Variants in ARHGAP20 observed in about 807,000 individuals in gnomAD.
ARHGAP20 encodes Rho GTPase activating protein 20.
In ARHGAP20, 34 loss-of-function variants were observed where a neutral mutation model predicts 73.7. That is an observed-to-expected ratio of 0.46 (90% CI 0.35 to 0.61). The LOEUF (loss-of-function observed/expected upper bound fraction) is 0.61, where lower values mean the gene tolerates loss of function less well. ARHGAP20 is among the 20% of genes least tolerant of loss of function. The pLI, the probability that ARHGAP20 is intolerant of heterozygous loss-of-function variation, is 0.00. For synonymous variants in ARHGAP20, 523 were observed against 518.2 expected, an observed-to-expected ratio of 1.01 and a Z score of -0.13; for missense variants, 1,314 against 1,420.9, an observed-to-expected ratio of 0.92 and a Z score of 1.21.
intron 2 of ARHGAP20, 74 bp from the exon 3 acceptor site, chr11:110,630,866 A>G: frequency 2.0e-6 from 3 of 1,473,420 alleles, no homozygotes; most frequent in Non-Finnish European, 2.8e-6. Context: ...AAATTCTGTA[A>G]TTTTTTTTAA....
intron 1 of ARHGAP20, among the ~76,000 whole-genome samples, chr11:110,711,115 A>AGC (rs1330953086): frequency 1.3e-5 from 2 of 151,878 alleles, no homozygotes; most frequent in African/African-American, 4.8e-5. Flanking sequence ...TTCCTCAGGG[A>AGC]GCGAAACGGC....
rs1947878594 is a variant in ARHGAP20 at position 110,593,490 on chromosome 11, T to C, written c.965-1335A>G. Among the ~76,000 whole-genome samples, 3 of 151,930 alleles carry C rather than the reference T, an allele frequency of 2.0e-5. No homozygotes were observed. The South Asian group carries it at 6.2e-4, about 32-fold the overall frequency. On this transcript the variant is annotated intron_variant, in intron 9 of 14. Coordinates refer to ENST00000683387, the MANE Select transcript of ARHGAP20 (RefSeq NM_001384657.1). ...GCACTAAAGAGTGAGCAAAAGAAGGTAGATATAGAGGTCAAAGTGTGACAC... is the reference window on the plus strand; with the variant it reads ...GCACTAAAGAGTGAGCAAAAGAAGGCAGATATAGAGGTCAAAGTGTGACAC...
At position 110,580,313 on chromosome 11, in the gene ARHGAP20, A is replaced by G. The variant is rs1186806795; in HGVS notation, c.2633T>C (p.Leu878Ser). ...TTTGAGATAATCCTCCTCTCCATGC[A>G]AGAGACCAGCTTCACAGCTGGTTTT... ...QHKTSCEAGL[L>S]HGEEDYLKRH... The change falls in exon 15 of 15, where the codon TTG (leucine) becomes TCG (serine). Residue 878 changes from leucine (L) to serine (S), a missense_variant. Physicochemically the swap from Leu to Ser is moderately radical, Grantham distance 145. This residue lies in a region of ARHGAP20 where 641 missense variants were observed against 636.9 expected (regional missense o/e 1.01). Transcript: ENST00000683387. The G allele has an allele frequency of 6.2e-7, 1 of 1,614,216 alleles. No homozygotes were observed. Among genetic ancestry groups the G allele is most frequent in the Admixed American group, 1.7e-5 (1 of 60,028 alleles).
intron 12 of ARHGAP20, among the ~76,000 whole-genome samples, chr11:110,584,631 T>C (rs1426216707): frequency 2.0e-5 from 3 of 152,096 alleles, no homozygotes; most frequent in Non-Finnish European, 4.4e-5. Flanking sequence ...AGCTTTTGGG[T>C]TTTCTGCTTC....
chr11:110,671,157 T>A (rs1038888159), intron 2 of ARHGAP20, among the ~76,000 whole-genome samples: 1 of 151,772 alleles, frequency 6.6e-6, no homozygotes, highest in Non-Finnish European at 1.5e-5. Context: ...TTTCTGTAAA[T>A]CTGAAATTAT....
At chr11:110,621,802 A>G (rs990016487) in intron 4 of ARHGAP20, among the ~76,000 whole-genome samples, 2 of 152,216 alleles carry the variant, frequency 1.3e-5, no homozygotes, top group Admixed American at 6.5e-5. Flanking sequence ...AAGATATTTT[A>G]GATTGTATTC....
chr11:110,628,283 C>T (rs112523226), intron 3 of ARHGAP20, among the ~76,000 whole-genome samples: 38 of 152,266 alleles, frequency 2.5e-4, no homozygotes, highest in African/African-American at 8.7e-4. Flanking sequence ...ATTATTTCAA[C>T]AAATTAATTG....
At chr11:110,590,626 A>G in intron 11 of ARHGAP20, 22 bp downstream of exon 11, 2 of 1,605,582 alleles carry the variant, frequency 1.2e-6, no homozygotes, top group Non-Finnish European at 1.7e-6. Flanking sequence ...CATGGGGTGG[A>G]TAAAGGGATG....
At chr11:110,594,588 AGTTTCTTCCTGCT>A (rs1718775732) in intron 9 of ARHGAP20, among the ~76,000 whole-genome samples, 2 of 152,128 alleles carry the variant, frequency 1.3e-5, no homozygotes, top group African/African-American at 4.8e-5. Context: ...TAAGTAAAGC[AGTTTCTTCCTGCT>A]CTGACATTCT....
rs143652465 is a variant in ARHGAP20, at chr11:110,655,252, A to C, written c.189-24460T>G. On this transcript the variant is annotated intron_variant, in intron 2 of 14. Coordinates refer to ENST00000683387, the MANE Select transcript of ARHGAP20 (RefSeq NM_001384657.1). ...AACAATCTAATGAGACACATGAAAT[A>C]ATCAGGGAACAGAAAATTTTAAACT... 1.1e-4 allele frequency among the ~76,000 whole-genome samples: 16 copies of C among 146,850 alleles called. No homozygotes were observed. The East Asian group carries it at 3.1e-3, about 28-fold the overall frequency.
rs1947313327 is a variant in ARHGAP20 at position 110,577,393 on chromosome 11, G to T, written c.*1977C>A. On this transcript the variant is annotated 3_prime_UTR_variant, in exon 15 of 15. Coordinates refer to ENST00000683387, the MANE Select transcript of ARHGAP20 (RefSeq NM_001384657.1). Reference sequence around the variant, plus strand: ...GTATCTAAGGGAACACAGATAGTAGGAATGGTTATTAAAAAACCTCAGCAA... The same window carrying T: ...GTATCTAAGGGAACACAGATAGTAGTAATGGTTATTAAAAAACCTCAGCAA... The T allele has an allele frequency of 8.6e-7, 1 of 1,165,302 alleles. No homozygotes were observed. Among genetic ancestry groups the T allele is most frequent in the Non-Finnish European group, 1.1e-6 (1 of 946,374 alleles). The allele number at this position is 1,165,302 out of a possible 1,614,324, so 72.2% of individuals were successfully genotyped here.
intron 1 of ARHGAP20, among the ~76,000 whole-genome samples, chr11:110,691,563 C>T (rs1384716780): frequency 6.6e-6 from 1 of 152,142 alleles, no homozygotes; most frequent in Non-Finnish European, 1.5e-5. Context: ...CTAGGCAGCT[C>T]AGTGTCGGTA....
At chr11:110,708,447 A>G (rs1950588855) in intron 1 of ARHGAP20, among the ~76,000 whole-genome samples, 1 of 139,352 alleles carries the variant, frequency 7.2e-6, no homozygotes, top group African/African-American at 2.8e-5. Context: ...GAATGTTCAC[A>G]GCAGTTTTGT....
chr11:110,674,117 G>A (rs1949883008), intron 2 of ARHGAP20, among the ~76,000 whole-genome samples: 1 of 151,936 alleles, frequency 6.6e-6, no homozygotes, highest in African/African-American at 2.4e-5. Context: ...TTGTATTTTA[G>A]CAGTGATGGG....
chr11:110,642,864 CTCT>C (rs1373801827), intron 2 of ARHGAP20, among the ~76,000 whole-genome samples: 2 of 152,084 alleles, frequency 1.3e-5, no homozygotes, highest in African/African-American at 2.4e-5. Context: ...CTGGTACAAA[CTCT>C]TCTTTGTATG....
intron 3 of ARHGAP20, among the ~76,000 whole-genome samples, chr11:110,628,374 G>T (rs1041436988): frequency 3.9e-5 from 6 of 152,208 alleles, no homozygotes; most frequent in African/African-American, 1.2e-4. Context: ...GGGACTATTT[G>T]CTTTTGATTG....
intron 2 of ARHGAP20, among the ~76,000 whole-genome samples, chr11:110,659,307 C>G (rs1271756394): frequency 9.2e-4 from 128 of 138,984 alleles, no homozygotes; most frequent in African/African-American, 1.9e-3. Flanking sequence ...TCTCTGATGG[C>G]CAGTGATGAT....
rs78031518 is a variant in ARHGAP20, at chr11:110,691,702, C to T, written c.106-1073G>A. 3.5e-3 allele frequency among the ~76,000 whole-genome samples: 528 copies of T among 152,164 alleles called. 2 individuals carry two copies. Among genetic ancestry groups the T allele is most frequent in the African/African-American group, 0.012 (495 of 41,518 alleles). On this transcript the variant is annotated intron_variant, in intron 1 of 14. Coordinates refer to ENST00000683387, the MANE Select transcript of ARHGAP20 (RefSeq NM_001384657.1). The stretch of plus-strand genomic sequence containing the variant: ...AGACTTCTTTGGCACAATTCTTATC[C>T]CACAAATTCTCCATGCTCCTAGGGA...
intron 2 of ARHGAP20, among the ~76,000 whole-genome samples, chr11:110,642,018 G>GT (rs1949088143): frequency 6.6e-6 from 1 of 152,054 alleles, no homozygotes; most frequent in South Asian, 2.1e-4. Context: ...AACTCCAACA[G>GT]TTTGAGTTTT....
Sources: gnomAD v4.1 joint callset for allele counts (sites outside exome capture counted in the v4.1 genomes callset) on GRCh38, gnomAD v4.1.1 for gene constraint, gnomAD v4.1.1 regional missense constraint, MANE v1.5 for transcripts, NCBI Gene and HGNC (gene_info 2026-07-23, HGNC 2026-07-21) for gene names.